Variants in MAL2 observed in about 807,000 individuals in gnomAD.
MAL2 encodes the protein protein MAL2.
In MAL2, 17 loss-of-function variants were observed where a neutral mutation model predicts 18.1. That is an observed-to-expected ratio of 0.94 (90% CI 0.64 to 1.41). The LOEUF is 1.41. Ranked by LOEUF, MAL2 falls within the 40% of genes most tolerant of loss-of-function variation. The pLI is 0.00. For synonymous variants in MAL2, 102 were observed against 102.3 expected, an observed-to-expected ratio of 1.00 and a Z score of 0.02; for missense variants, 222 against 231.9, an observed-to-expected ratio of 0.96 and a Z score of 0.28.
intron 1 of MAL2, among the ~76,000 whole-genome samples, chr8:119,219,577 G>A (rs113769272): frequency 3.7e-4 from 57 of 152,110 alleles, no homozygotes; most frequent in African/African-American, 1.3e-3. Flanking sequence ...CAGAGAGAGA[G>A]AGAGAGAGAT....
chr8:119,245,579 G>A lies in MAL2; in HGVS notation c.*2091G>A, dbSNP rs1818135812. 2 of 152,644 alleles carry A rather than the reference G, an allele frequency of 1.3e-5. No homozygotes were observed. Among genetic ancestry groups the A allele is most frequent in the South Asian group, 4.1e-4 (2 of 4,822 alleles). The allele number at this position is 152,644 out of a possible 1,614,324, so 9.5% of individuals were successfully genotyped here. A position where few individuals can be genotyped will look rare whatever the true frequency, so the allele number is the denominator to read the frequency against. ...TAACATGTCTTAGCTGTAAAAATGA[G>A]AAAGTGTTGGTTGGTTTTAAAATCT... On this transcript the variant is annotated 3_prime_UTR_variant, in exon 4 of 4. Transcript: ENST00000614891.
At chr8:119,226,220 A>G (rs1273260591) in intron 2 of MAL2, among the ~76,000 whole-genome samples, 3 of 152,040 alleles carry the variant, frequency 2.0e-5, no homozygotes, top group Admixed American at 6.6e-5. Flanking sequence ...GCCCATGCCT[A>G]TGTCCTGAAT....
At chr8:119,223,478 C>G (rs1039458724) in intron 2 of MAL2, 1 of 152,190 alleles carries the variant, frequency 6.6e-6, no homozygotes, top group Non-Finnish European at 1.5e-5. Flanking sequence ...ATTTCCCACC[C>G]ATTTGTAGCA....
At chr8:119,231,567 A>G (rs192944988) in intron 2 of MAL2, among the ~76,000 whole-genome samples, 318 of 152,314 alleles carry the variant, frequency 2.1e-3, no homozygotes, top group African/African-American at 7.4e-3. Context: ...AAATAGAACT[A>G]CCATATGATC....
chr8:119,242,037 C>T (rs1293164548), intron 3 of MAL2, among the ~76,000 whole-genome samples: 1 of 152,170 alleles, frequency 6.6e-6, no homozygotes, highest in Non-Finnish European at 1.5e-5. Context: ...CTTTCCTATG[C>T]TATTAGTCAT....
chr8:119,239,110 T>C (rs1232203514), intron 2 of MAL2, among the ~76,000 whole-genome samples: 3 of 151,116 alleles, frequency 2.0e-5, no homozygotes, highest in South Asian at 2.1e-4. Flanking sequence ...AAAAAGTGGG[T>C]GAAGGATATG....
At chr8:119,234,997 G>A (rs1010373063) in intron 2 of MAL2, among the ~76,000 whole-genome samples, 7 of 151,912 alleles carry the variant, frequency 4.6e-5, no homozygotes, top group East Asian at 1.9e-4. Context: ...GGCTTCAGAC[G>A]ATCAAATTAC....
rs144012816 is a variant in MAL2 at position 119,230,006 on chromosome 8, A to G, written c.303+8249A>G. Among the ~76,000 whole-genome samples the G allele has an allele frequency of 2.8e-3, 431 of 152,250 alleles. 1 individual carries two copies. Among genetic ancestry groups the G allele is most frequent in the African/African-American group, 9.8e-3 (406 of 41,556 alleles). On this transcript the variant is annotated intron_variant, in intron 2 of 3. Coordinates refer to ENST00000614891, the MANE Select transcript of MAL2 (RefSeq NM_052886.3). ...TCCCATCACAAGGAGACAGCTGCTG[A>G]CCCACCTGATTTTTTGAGTTAGTGG...
chr8:119,209,075 G>A, intron 1 of MAL2: 1 of 166,884 alleles, frequency 6.0e-6, no homozygotes, highest in Admixed American at 5.9e-5. Context: ...AAGTGGGGGC[G>A]GGAGGCAACA....
chr8:119,235,533 A>T (rs2129891858), intron 2 of MAL2, among the ~76,000 whole-genome samples: 1 of 90,150 alleles, frequency 1.1e-5, no homozygotes. Flanking sequence ...AAAAAATGTT[A>T]AGGGCAGCCA....
intron 2 of MAL2, among the ~76,000 whole-genome samples, chr8:119,222,987 G>T (rs1271070867): frequency 1.3e-5 from 2 of 152,110 alleles, no homozygotes; most frequent in Admixed American, 6.6e-5. Flanking sequence ...GGATCACAGT[G>T]CTTCAGGGAA....
chr8:119,220,202 T>C (rs1396468398), intron 1 of MAL2, among the ~76,000 whole-genome samples: 1 of 152,220 alleles, frequency 6.6e-6, no homozygotes, highest in Non-Finnish European at 1.5e-5. Flanking sequence ...TAGAGGCCCA[T>C]TCCAGAAATC....
At position 119,208,823 on chromosome 8, in the gene MAL2, G is replaced by A; in HGVS notation, c.132+219G>A. On this transcript the variant is annotated intron_variant, in intron 1 of 3. Transcript: ENST00000614891. The surrounding 1 kb of genome is among the most constrained non-coding windows in gnomAD (Gnocchi z 4.3). ...CGCGGGCACCTGCTCCCCCGCGGGC[G>A]ACGGAAATTGCCTGGGGAGGGCGAG... 2 of 647,454 alleles carry A rather than the reference G, an allele frequency of 3.1e-6. No individual in the cohort carries two copies. The highest frequency in any genetic ancestry group is 4.3e-6 in the Non-Finnish European group (2 of 466,166). 40.1% of individuals were successfully genotyped at this position (647,454 alleles called of 1,614,324 possible).
At chr8:119,210,532 T>G (rs1817253365) in intron 1 of MAL2, among the ~76,000 whole-genome samples, 1 of 152,136 alleles carries the variant, frequency 6.6e-6, no homozygotes, top group Non-Finnish European at 1.5e-5. Context: ...AATCAGAATC[T>G]CTGGGGGAGT....
At chr8:119,235,794 C>T (rs1445353692) in intron 2 of MAL2, among the ~76,000 whole-genome samples, 3 of 144,788 alleles carry the variant, frequency 2.1e-5, no homozygotes, top group African/African-American at 2.7e-5. Flanking sequence ...CTGAAGGAAG[C>T]ACTAAACATG....
intron 1 of MAL2, among the ~76,000 whole-genome samples, chr8:119,212,658 C>A (rs149596436): frequency 4.0e-4 from 61 of 152,232 alleles, no homozygotes; most frequent in African/African-American, 1.4e-3. Flanking sequence ...TCAGAACAGG[C>A]AGCTTTAATG....
chr8:119,242,950 A>C (rs563364528), intron 3 of MAL2, among the ~76,000 whole-genome samples: 21 of 152,344 alleles, frequency 1.4e-4, no homozygotes, highest in Admixed American at 4.6e-4. Context: ...CCAACCTGAT[A>C]ATTCATTTCC....
intron 2 of MAL2, among the ~76,000 whole-genome samples, chr8:119,225,439 G>A (rs1334306650): frequency 2.6e-5 from 4 of 152,136 alleles, no homozygotes; most frequent in Admixed American, 2.0e-4. Flanking sequence ...CCATGTCCAT[G>A]CAAAGGACAT....
At chr8:119,213,115 G>A (rs1457181553) in intron 1 of MAL2, among the ~76,000 whole-genome samples, 1 of 152,248 alleles carries the variant, frequency 6.6e-6, no homozygotes, top group East Asian at 1.9e-4. Context: ...GAGGTTTGAG[G>A]TTTGGGAAGT....
Sources: gnomAD v4.1 joint callset for allele counts (sites outside exome capture counted in the v4.1 genomes callset) on GRCh38, gnomAD v4.1.1 for gene constraint, Gnocchi (gnomAD v3.1) non-coding constraint, MANE v1.5 for transcripts, NCBI Gene and HGNC (gene_info 2026-07-23, HGNC 2026-07-21) for gene names.